RYR1: variants seen among roughly 807,000 people sequenced by gnomAD.
The protein encoded by RYR1 is central core disease of muscle.
RYR1 carries 342 observed loss-of-function variants against 583.5 expected under a neutral mutation model. The observed-to-expected ratio is 0.59, with a 90% CI of 0.54 to 0.64. RYR1 has a LOEUF of 0.64. Among genes scored for constraint, RYR1 ranks in the 30% least tolerant of loss-of-function variants. RYR1 has a pLI of 0.00. For synonymous variants in RYR1, 2,791 were observed against 2,822.5 expected (o/e 0.99, Z 0.35); for missense variants, 6,032 against 6,917.2 (o/e 0.87, Z 4.54).
intron 97 of RYR1, among the ~76,000 whole-genome samples, chr19:38,576,721 A>T (rs796874705): frequency 1.3e-5 from 2 of 151,772 alleles, no homozygotes; most frequent in African/African-American, 4.8e-5. Flanking sequence ...AATCACTTGA[A>T]CCCGGGCGGC....
rs1325749369 is a variant in RYR1 at position 38,500,090 on chromosome 19, C to T, written c.7323+74C>T. 9.9e-6 allele frequency: 13 copies of T among 1,312,208 alleles called. No individual in the cohort carries two copies. Among genetic ancestry groups the T allele is most frequent in the African/African-American group, 4.4e-5 (3 of 68,930 alleles). The allele number at this position is 1,312,208 out of a possible 1,614,324, so 81.3% of individuals were successfully genotyped here. A position where few individuals can be genotyped will look rare whatever the true frequency, so the allele number is the denominator to read the frequency against. Reference sequence around the variant, plus strand: ...GCTTTGAACGCCTCATGCAGGCACTCGGTGACACGGAGTGAGCTCCCATAT... The same window carrying T: ...GCTTTGAACGCCTCATGCAGGCACTTGGTGACACGGAGTGAGCTCCCATAT... On this transcript the variant is annotated intron_variant, in intron 45 of 105. Coordinates refer to ENST00000359596, the MANE Select transcript of RYR1 (RefSeq NM_000540.3). The surrounding 1 kb of genome is among the most constrained non-coding windows in gnomAD (Gnocchi z 5.9).
intron 102 of RYR1, 35 bp downstream of exon 102, chr19:38,585,134 G>T (rs1330475030): frequency 6.2e-7 from 1 of 1,608,372 alleles, no homozygotes; most frequent in East Asian, 2.2e-5. Context: ...GGGCCCGGAG[G>T]CAGGCTAGCT....
chr19:38,524,945 G>A (rs1420253059), intron 70 of RYR1, among the ~76,000 whole-genome samples: 1 of 152,114 alleles, frequency 6.6e-6, no homozygotes, highest in Non-Finnish European at 1.5e-5. Flanking sequence ...ATGGGCCTGG[G>A]TTAGAAATTG....
chr19:38,560,391 C>CA (rs1973072907), intron 89 of RYR1, among the ~76,000 whole-genome samples: 1 of 149,772 alleles, frequency 6.7e-6, no homozygotes, highest in Non-Finnish European at 1.5e-5. Context: ...AAACAAAATA[C>CA]AAATCTGGAA....
rs201820881 is a variant in RYR1, at chr19:38,499,921, C to A, written c.7228C>A (p.Pro2410Thr). ...CCTTCCCTGCAGCTTTGGTGAGGAA[C>A]CGCCTGAAGAAAACCGGGTGCACCT... ...DRRREHFGEEPPEENRVHLGH... is the reference protein window; with the variant it reads ...DRRREHFGEETPEENRVHLGH... The change falls in exon 45 of 106, where the codon CCG becomes ACG. Residue 2410 changes from proline to threonine, a missense_variant. Physicochemically the swap from Pro to Thr is conservative, Grantham distance 38 (BLOSUM62 -1). This residue lies in a region of RYR1 where 2,627 missense variants were observed against 2,961.3 expected (regional missense o/e 0.89). Transcript: ENST00000359596. This position sits in a 1 kb window ranked among gnomAD's most constrained non-coding sequence, Gnocchi z 7.3. The A allele has an allele frequency of 6.2e-7, 1 of 1,613,794 alleles. No homozygotes were observed. Among genetic ancestry groups the A allele is most frequent in the African/African-American group, 1.3e-5 (1 of 74,990 alleles).
chr19:38,478,438 C>G lies in RYR1; in HGVS notation c.4458C>G (p.Leu1486=). The change falls in exon 31 of 106, where the codon CTC becomes CTG. Residue 1486 remains leucine (L), a synonymous_variant. Transcript: ENST00000359596. ...GDEQGNVHSS[L]KCSNCYMVWG... ...TGACCGCTTCTGTCTCCTGCAGCCT[C>G]AAGTGTAGCAACTGCTACATGGTGT... 1 of 1,613,448 alleles carries G rather than the reference C, an allele frequency of 6.2e-7. No homozygotes were observed. The highest frequency in any genetic ancestry group is 8.5e-7 in the Non-Finnish European group (1 of 1,180,022).
chr19:38,527,876 G>A (rs1971543266), intron 73 of RYR1, 92 bp downstream of exon 73: 1 of 1,500,724 alleles, frequency 6.7e-7, no homozygotes, highest in South Asian at 1.1e-5. Context: ...GTCTGGAGAT[G>A]ACTATTAAGT....
intron 29 of RYR1, 100 bp from the exon 30 acceptor site, chr19:38,477,610 C>G (rs1487108494): frequency 4.7e-6 from 7 of 1,477,244 alleles, no homozygotes; most frequent in Non-Finnish European, 4.7e-6. Flanking sequence ...TGTTAAACTC[C>G]CAGAGGACCC....
intron 47 of RYR1, among the ~76,000 whole-genome samples, chr19:38,502,110 T>C (rs1408508139): frequency 6.6e-6 from 1 of 152,124 alleles, no homozygotes; most frequent in African/African-American, 2.4e-5. Context: ...GGAGCTATGA[T>C]TGCACCACTG....
At chr19:38,517,822 A>G in intron 66 of RYR1, 131 bp downstream of exon 66, 1 of 859,952 alleles carries the variant, frequency 1.2e-6, no homozygotes, top group Non-Finnish European at 1.8e-6. Flanking sequence ...TTTCAGCATC[A>G]AAAGACCAGG....
In RYR1 at chr19:38,572,910, G is replaced by A. The variant is rs1201942753; in HGVS notation, c.13999-267G>A. On this transcript the variant is annotated intron_variant, in intron 95 of 105. Coordinates refer to ENST00000359596, the MANE Select transcript of RYR1 (RefSeq NM_000540.3). ...CTCTTCTATCTATGCCCCCTATCCC[G>A]GCCCTGACCCCTCTATCTATGCACC... Among the ~76,000 whole-genome samples, 11 of 126,340 alleles carry A rather than the reference G, an allele frequency of 8.7e-5. No individual in the cohort carries two copies. The South Asian group carries it at 1.5e-3, about 18-fold the overall frequency. The allele number at this position is 126,340 out of a possible 152,430, so 82.9% of individuals were successfully genotyped here.
At chr19:38,472,085 TGA>T (rs541186109) in intron 27 of RYR1, among the ~76,000 whole-genome samples, 92 of 152,084 alleles carry the variant, frequency 6.0e-4, no homozygotes, top group Middle Eastern at 3.4e-3. Flanking sequence ...AGGAGACTTT[TGA>T]GAGTCCATTG....
rs369342449 is a variant in RYR1 at position 38,499,624 on chromosome 19, C to A, written c.7028-11C>A. The stretch of plus-strand genomic sequence containing the variant: ...GCTCATGAGACCCCCTTTCCCCATG[C>A]GGGTGGCCAGGCGAGAGCGTGGAGG... On this transcript the variant is annotated splice_polypyrimidine_tract_variant and intron_variant, in intron 43 of 105. Transcript: ENST00000359596. The surrounding 1 kb of genome is among the most constrained non-coding windows in gnomAD (Gnocchi z 7.3). 6.3e-7 allele frequency: 1 copy of A among 1,597,038 alleles called. No homozygotes were observed. The highest frequency in any genetic ancestry group is 1.7e-5 in the Admixed American group (1 of 59,990).
At chr19:38,532,578 C>T in intron 77 of RYR1, 37 bp downstream of exon 77, 1 of 1,613,594 alleles carries the variant, frequency 6.2e-7, no homozygotes, top group Non-Finnish European at 8.5e-7. Flanking sequence ...GCAGATTTCC[C>T]TCTCCCCACC....
intron 24 of RYR1, 119 bp from the exon 25 acceptor site, chr19:38,467,491 C>T: frequency 9.0e-7 from 1 of 1,112,976 alleles, no homozygotes; most frequent in Non-Finnish European, 1.4e-6. Flanking sequence ...AATTGACCCT[C>T]TTCCAACAGT....
At chr19:38,580,274 GCCACAGGGA>G in intron 100 of RYR1, 87 bp from the exon 101 acceptor site, 1 of 1,587,656 alleles carries the variant, frequency 6.3e-7, no homozygotes, top group Non-Finnish European at 8.6e-7. Flanking sequence ...GCAAGGTAGA[GCCACAGGGA>G]CTGAACCGGG....
chr19:38,528,366 C>T lies in RYR1; in HGVS notation c.10885C>T (p.Arg3629Trp), dbSNP rs1434232361. The change falls in exon 74 of 106, where the codon CGG becomes TGG. Residue 3629 changes from arginine (R) to tryptophan (W), a missense_variant. Around this residue, in one of 11 missense-constraint regions of RYR1, gnomAD observed 1,493 missense variants for 1,715.5 expected, o/e 0.87. Coordinates refer to ENST00000359596, the MANE Select transcript of RYR1 (RefSeq NM_000540.3). Reference sequence around the variant, plus strand: ...GCACAAGCTTTTGTCCAAACAGCGCCGGCGGGCAGTCGTGGCCTGTTTCCG... The same window carrying T: ...GCACAAGCTTTTGTCCAAACAGCGCTGGCGGGCAGTCGTGGCCTGTTTCCG... Reference protein sequence around the residue: ...VWHKLLSKQRRRAVVACFRMT... With the variant: ...VWHKLLSKQRWRAVVACFRMT... 11 of 1,614,118 alleles carry T rather than the reference C, an allele frequency of 6.8e-6. No individual in the cohort carries two copies. Among genetic ancestry groups the T allele is most frequent in the Non-Finnish European group, 9.3e-6 (11 of 1,180,026 alleles).
At chr19:38,488,753 C>T (rs965835321) in intron 34 of RYR1, among the ~76,000 whole-genome samples, 22 of 152,194 alleles carry the variant, frequency 1.4e-4, no homozygotes, top group African/African-American at 5.3e-4. Context: ...GATCTGCCCG[C>T]CTTGGTCTCC....
At chr19:38,460,126 C>G (rs1213100177) in intron 19 of RYR1, among the ~76,000 whole-genome samples, 3 of 152,212 alleles carry the variant, frequency 2.0e-5, no homozygotes, top group Non-Finnish European at 2.9e-5. Flanking sequence ...GTCATCTGAA[C>G]TCTTCTAGAT....
Sources: gnomAD v4.1 joint callset for allele counts (sites outside exome capture counted in the v4.1 genomes callset) on GRCh38, gnomAD v4.1.1 for gene constraint, gnomAD v4.1.1 regional missense constraint, Gnocchi (gnomAD v3.1) non-coding constraint, MANE v1.5 for transcripts, NCBI Gene and HGNC (gene_info 2026-07-23, HGNC 2026-07-21) for gene names.